The following TRPC3 variants were observed in gnomAD, a reference collection of about 807,000 sequenced individuals.
TRPC3 encodes the protein short transient receptor potential channel 3.
In TRPC3, 54 loss-of-function variants were observed where a neutral mutation model predicts 90.9. That is an observed-to-expected ratio of 0.59 (90% CI 0.48 to 0.75). The LOEUF (loss-of-function observed/expected upper bound fraction) is 0.75, where lower values mean the gene tolerates loss of function less well. Ranked by LOEUF, TRPC3 falls within the 30% of genes least tolerant of loss-of-function variation. The pLI, the probability that TRPC3 is intolerant of heterozygous loss-of-function variation, is 0.00. For missense variants in TRPC3, 918 were observed against 1,194.5 expected (o/e 0.77, Z 3.41); for synonymous variants, 424 against 450.9 (o/e 0.94, Z 0.75).
At chr4:121,887,910 A>T (rs937244215) in intron 10 of TRPC3, among the ~76,000 whole-genome samples, 6 of 152,210 alleles carry the variant, frequency 3.9e-5, no homozygotes, top group Non-Finnish European at 8.8e-5. Flanking sequence ...GTTAAAAAAA[A>T]TTCTTTACAC....
At chr4:121,908,259 G>T (rs978903096) in intron 6 of TRPC3, among the ~76,000 whole-genome samples, 2 of 152,094 alleles carry the variant, frequency 1.3e-5, no homozygotes, top group African/African-American at 4.8e-5. Context: ...GCAGACATCT[G>T]CAATAACAAC....
chr4:121,913,425 T>C (rs1729180837), intron 4 of TRPC3, among the ~76,000 whole-genome samples: 1 of 152,234 alleles, frequency 6.6e-6, no homozygotes, highest in African/African-American at 2.4e-5. Flanking sequence ...ACATGGGCTC[T>C]GGGAATGGCT....
intron 8 of TRPC3, 144 bp downstream of exon 8, chr4:121,904,174 TAGAA>T: frequency 1.6e-6 from 1 of 632,508 alleles, no homozygotes; most frequent in South Asian, 2.9e-5. Flanking sequence ...TCTATCCAGG[TAGAA>T]AACACAGGGA....
chr4:121,882,471 A>G lies in TRPC3; in HGVS notation c.2548-42T>C, dbSNP rs1322251303. 18 of 1,573,364 alleles carry G rather than the reference A, an allele frequency of 1.1e-5. No individual in the cohort carries two copies. In the African/African-American group the frequency reaches 2.2e-4, roughly 19 times the overall value. ...AATGATTAGATCTCCAATGATATAC[A>G]TAAGTGCCCCAATCCTATTTTCCAA... On this transcript the variant is annotated intron_variant, in intron 10 of 11. Coordinates refer to ENST00000379645, the MANE Select transcript of TRPC3 (RefSeq NM_001130698.2).
chr4:121,948,840 G>GTTTT (rs10626464), intron 1 of TRPC3, among the ~76,000 whole-genome samples: 4 of 147,954 alleles, frequency 2.7e-5, no homozygotes, highest in Admixed American at 1.3e-4. Context: ...ACTCTTTGCG[G>GTTTT]TTTTTTTTTT....
intron 1 of TRPC3, among the ~76,000 whole-genome samples, chr4:121,942,447 A>G (rs1226193818): frequency 6.6e-6 from 1 of 152,174 alleles, no homozygotes; most frequent in African/African-American, 2.4e-5. Flanking sequence ...CTATAATCCC[A>G]GCTACTCGGG....
chr4:121,928,531 C>T (rs1729794525), intron 2 of TRPC3, among the ~76,000 whole-genome samples: 2 of 152,230 alleles, frequency 1.3e-5, no homozygotes, highest in Admixed American at 1.3e-4. Context: ...GCCGCATTGA[C>T]TGTTAATTCC....
At chr4:121,929,137 A>G (rs1441240242) in intron 2 of TRPC3, among the ~76,000 whole-genome samples, 1 of 152,224 alleles carries the variant, frequency 6.6e-6, no homozygotes, top group Non-Finnish European at 1.5e-5. Context: ...ATTAGATATA[A>G]TACCTACGAC....
rs1386283660 is a variant in TRPC3, at chr4:121,875,359, T to C, written c.*4377A>G. Among the ~76,000 whole-genome samples the C allele has an allele frequency of 2.0e-5, 3 of 152,234 alleles. No homozygotes were observed. The highest frequency in any genetic ancestry group is 4.4e-5 in the Non-Finnish European group (3 of 68,036). ...TTGATTTTGCATCTAAAAATGCAAT[T>C]TATTATTTTTAAAGTACATACTATG... On this transcript the variant is annotated 3_prime_UTR_variant, in exon 12 of 12. Transcript: ENST00000379645.
At chr4:121,947,752 G>A (rs1730543218) in intron 1 of TRPC3, among the ~76,000 whole-genome samples, 1 of 152,130 alleles carries the variant, frequency 6.6e-6, no homozygotes, top group African/African-American at 2.4e-5. Context: ...CTTTTATTAA[G>A]ACAATTTTTT....
intron 7 of TRPC3, among the ~76,000 whole-genome samples, chr4:121,904,723 A>T (rs1286813419): frequency 6.6e-6 from 1 of 152,158 alleles, no homozygotes; most frequent in Non-Finnish European, 1.5e-5. Flanking sequence ...AATGGTGCCA[A>T]TGCCTAGCTT....
chr4:121,918,602 C>G (rs1729400471), intron 3 of TRPC3, among the ~76,000 whole-genome samples: 1 of 152,152 alleles, frequency 6.6e-6, no homozygotes, highest in African/African-American at 2.4e-5. Context: ...AAGTAGTAAC[C>G]AAAATTGTGG....
chr4:121,902,832 G>C lies in TRPC3; in HGVS notation c.2463+20C>G. Reference sequence around the variant, plus strand: ...GACAGAACATTTATTTTAAGGTCTTGGTAAGTTTTCGATACCTACCCTGGA... The same window carrying C: ...GACAGAACATTTATTTTAAGGTCTTCGTAAGTTTTCGATACCTACCCTGGA... On this transcript the variant is annotated intron_variant, in intron 9 of 11. Transcript: ENST00000379645. The C allele has an allele frequency of 6.5e-7, 1 of 1,537,008 alleles. No homozygotes were observed. Among genetic ancestry groups the C allele is most frequent in the Non-Finnish European group, 8.8e-7 (1 of 1,132,988 alleles).
At chr4:121,935,876 T>C (rs910900966) in intron 1 of TRPC3, among the ~76,000 whole-genome samples, 10 of 152,210 alleles carry the variant, frequency 6.6e-5, no homozygotes, top group African/African-American at 2.4e-4. Flanking sequence ...TTGAGAACAT[T>C]AGGACATCAT....
intron 3 of TRPC3, among the ~76,000 whole-genome samples, chr4:121,916,904 G>A (rs549887232): frequency 5.9e-4 from 89 of 151,914 alleles, no homozygotes; most frequent in South Asian, 1.0e-3. Context: ...TAGTAGAGAC[G>A]GGGTTTCTCC....
Position 121,874,738 on chromosome 4 carries a change from T to C in TRPC3, c.*4998A>G, listed in dbSNP as rs551561073. 2.0e-5 allele frequency among the ~76,000 whole-genome samples: 3 copies of C among 152,314 alleles called. No homozygotes were observed. Among genetic ancestry groups the C allele is most frequent in the South Asian group, 2.1e-4 (1 of 4,824 alleles). ...AAGACCCTATCTCCAACTATAGTTA[T>C]AGTCTGAGATACTGAAGGCGAGGAC... On this transcript the variant is annotated 3_prime_UTR_variant, in exon 12 of 12. Coordinates refer to ENST00000379645, the MANE Select transcript of TRPC3 (RefSeq NM_001130698.2).
In TRPC3 at chr4:121,910,350, T is replaced by C. The variant is rs2149124667; in HGVS notation, c.1596A>G (p.Glu532=). 1.2e-6 allele frequency: 2 copies of C among 1,613,746 alleles called. No homozygotes were observed. Among genetic ancestry groups the C allele is most frequent in the Non-Finnish European group, 1.7e-6 (2 of 1,179,718 alleles). The change falls in exon 6 of 12, where the codon GAA becomes GAG. Residue 532 remains glutamate, a synonymous_variant. Coordinates refer to ENST00000379645, the MANE Select transcript of TRPC3 (RefSeq NM_001130698.2). The part of the protein sequence containing the change: ...MWSECKELWL[E]GPREYILQLW... Reference sequence around the variant, plus strand: ...ACTGCAAAATGTATTCCCTAGGTCCTTCCAGCCAGAGCTCTTTACATTCAG... The same window carrying C: ...ACTGCAAAATGTATTCCCTAGGTCCCTCCAGCCAGAGCTCTTTACATTCAG...
At chr4:121,903,446 A>C (rs1015678849) in intron 8 of TRPC3, among the ~76,000 whole-genome samples, 1 of 152,152 alleles carries the variant, frequency 6.6e-6, no homozygotes, top group Non-Finnish European at 1.5e-5. Context: ...CCTCACCTAT[A>C]CCTATCCAAG....
intron 1 of TRPC3, among the ~76,000 whole-genome samples, chr4:121,935,116 T>C (rs148970104): frequency 7.9e-5 from 12 of 152,366 alleles, no homozygotes; most frequent in Middle Eastern, 3.4e-3. Context: ...TTTTCACTTA[T>C]ACCCTTTTGC....
Sources: gnomAD v4.1 joint callset for allele counts (sites outside exome capture counted in the v4.1 genomes callset) on GRCh38, gnomAD v4.1.1 for gene constraint, MANE v1.5 for transcripts, NCBI Gene and HGNC (gene_info 2026-07-23, HGNC 2026-07-21) for gene names.